ZNF395: variants seen among roughly 807,000 people sequenced by gnomAD.
ZNF395 encodes HD gene regulatory region-binding protein 2.
In ZNF395, 20 loss-of-function variants were observed where a neutral mutation model predicts 57.7. The ratio of observed to expected loss-of-function variants is 0.35; its 90% CI spans 0.24 to 0.50. ZNF395 has a LOEUF of 0.50. Among genes scored for constraint, ZNF395 ranks in the 20% least tolerant of loss-of-function variants. ZNF395 has a pLI of 0.97. For missense variants in ZNF395, 606 were observed against 671.2 expected, an observed-to-expected ratio of 0.90 and a Z score of 1.07; for synonymous variants, 295 against 275.9, an observed-to-expected ratio of 1.07 and a Z score of -0.69.
Position 28,353,206 on chromosome 8 carries a change from G to C in ZNF395, c.786C>G (p.Phe262Leu). Residue 262 changes from phenylalanine to leucine, a missense_variant, in exon 5 of 10, where the codon TTC becomes TTG. Physicochemically the swap from Phe to Leu is conservative, Grantham distance 22 (BLOSUM62 0). Around this residue, in one of 3 missense-constraint regions of ZNF395, gnomAD observed 309 missense variants for 374.7 expected, o/e 0.82. Coordinates refer to ENST00000344423, the MANE Select transcript of ZNF395 (RefSeq NM_018660.3). Reference protein sequence around the residue: ...DHGFETDPDPFLLDEPAPRKR... With the variant: ...DHGFETDPDPLLLDEPAPRKR... ...TTCGTGGAGCTGGTTCGTCCAGCAG[G>C]AAAGGGTCAGGATCGGTCTCAAAGC... 2 of 1,610,176 alleles carry C rather than the reference G, an allele frequency of 1.2e-6. No individual in the cohort carries two copies. The highest frequency in any genetic ancestry group is 2.2e-5 in the South Asian group (2 of 90,980).
chr8:28,361,226 G>A (rs1341514397), intron 1 of ZNF395, 44 bp from the exon 2 acceptor site: 1 of 1,549,922 alleles, frequency 6.5e-7, no homozygotes, highest in Non-Finnish European at 8.8e-7. Flanking sequence ...CCACACAGCA[G>A]GAGCCAGGAA....
At chr8:28,382,695 G>C (rs372731648) in intron 1 of ZNF395, among the ~76,000 whole-genome samples, 1 of 152,168 alleles carries the variant, frequency 6.6e-6, no homozygotes, top group Admixed American at 6.5e-5. Flanking sequence ...CAAAGAGACT[G>C]TAAGTCTTCC....
intron 1 of ZNF395, among the ~76,000 whole-genome samples, chr8:28,369,478 AAAAT>A (rs1801951984): frequency 6.6e-6 from 1 of 152,244 alleles, no homozygotes; most frequent in Non-Finnish European, 1.5e-5. Context: ...CTTGCTGGTC[AAAAT>A]GAACCAACTC....
rs533001312 is a variant in ZNF395 at position 28,360,472 on chromosome 8, A to G, written c.240+413T>C. On this transcript the variant is annotated intron_variant, in intron 2 of 9. Transcript: ENST00000344423. ...GGAAATCCACACCGAATCCAACTAC[A>G]CAAACATCTCTGAGTCTTAAAAGTG... is the stretch of plus-strand genomic sequence containing the variant. 2.0e-5 allele frequency among the ~76,000 whole-genome samples: 3 copies of G among 152,368 alleles called. No individual in the cohort carries two copies. The South Asian group carries it at 6.2e-4, about 32-fold the overall frequency.
chr8:28,353,386 T>C lies in ZNF395; in HGVS notation c.606A>G (p.Pro202=). 1 of 1,565,570 alleles carries C rather than the reference T, an allele frequency of 6.4e-7. No individual in the cohort carries two copies. The highest frequency in any genetic ancestry group is 8.7e-7 in the Non-Finnish European group (1 of 1,154,426). ...CCGAGATGTCACCACTCTCCTTCCA[T>C]GGGTCGCAGGCCGCACGGGAAGCTG... ...NFSASRAACD[P]WKESGDISDS... is the part of the protein sequence containing the mutation. The change falls in exon 5 of 10, where the codon CCA becomes CCG. Residue 202 remains proline (P), a synonymous_variant. Transcript: ENST00000344423.
chr8:28,349,559 G>C (rs1277510558), intron 8 of ZNF395, among the ~76,000 whole-genome samples: 1 of 152,206 alleles, frequency 6.6e-6, no homozygotes, highest in Non-Finnish European at 1.5e-5. Context: ...CTGATTTACA[G>C]TGTGACACCG....
chr8:28,359,684 C>CA lies in ZNF395; in HGVS notation c.380dup (p.Gln128AlafsTer40). 1 of 1,613,968 alleles carries CA rather than the reference C, an allele frequency of 6.2e-7. No individual in the cohort carries two copies. Among genetic ancestry groups the CA allele is most frequent in the Non-Finnish European group, 8.5e-7 (1 of 1,180,016 alleles). The stretch of plus-strand genomic sequence containing the variant: ...GTGGTGCCTGGGGACAGGGGCCCTG[C>CA]AGCTCTGCCAGCCACACCTCCTCCA... On this transcript the variant is annotated frameshift_variant, in exon 3 of 10. Transcript: ENST00000344423. LOFTEE classifies it high-confidence loss of function. This position sits in a 1 kb window ranked among gnomAD's most constrained non-coding sequence, Gnocchi z 4.7.
Position 28,352,814 on chromosome 8 carries a change from G to A in ZNF395, c.820-141C>T. 1.5e-6 allele frequency: 1 copy of A among 679,736 alleles called. No individual in the cohort carries two copies. Among genetic ancestry groups the A allele is most frequent in the Non-Finnish European group, 2.5e-6 (1 of 401,030 alleles). The allele number at this position is 679,736 out of a possible 1,614,324, so 42.1% of individuals were successfully genotyped here. On this transcript the variant is annotated intron_variant, in intron 5 of 9. Transcript: ENST00000344423. This position sits in a 1 kb window ranked among gnomAD's most constrained non-coding sequence, Gnocchi z 4.0. ...CCAGGAAAGGGGTTCTCTGGGACCA[G>A]AGAAACTTACAACCAGGGGCTAGAA...
chr8:28,352,807 G>A lies in ZNF395; in HGVS notation c.820-134C>T, dbSNP rs1563336683. The stretch of plus-strand genomic sequence containing the variant: ...AAAACCTCCAGGAAAGGGGTTCTCT[G>A]GGACCAGAGAAACTTACAACCAGGG... On this transcript the variant is annotated intron_variant, in intron 5 of 9. Transcript: ENST00000344423. This position sits in a 1 kb window ranked among gnomAD's most constrained non-coding sequence, Gnocchi z 4.0. The A allele has an allele frequency of 3.1e-5, 22 of 701,006 alleles. No homozygotes were observed. The South Asian group carries it at 4.0e-4, about 13-fold the overall frequency. The allele number at this position is 701,006 out of a possible 1,614,324, so 43.4% of individuals were successfully genotyped here.
rs942661695 is a variant in ZNF395, at chr8:28,367,561, G to A, written c.-58-6379C>T. Among the ~76,000 whole-genome samples the A allele has an allele frequency of 3.9e-5, 6 of 152,152 alleles. No individual in the cohort carries two copies. In the East Asian group the frequency reaches 5.8e-4, roughly 15 times the overall value. On this transcript the variant is annotated intron_variant, in intron 1 of 9. Coordinates refer to ENST00000344423, the MANE Select transcript of ZNF395 (RefSeq NM_018660.3). ...CTGTTTGCGCTGCTGGCAGGAAAGC[G>A]TTTCCACAGCTCTACCCAGGAAAAA... is the stretch of plus-strand genomic sequence containing the variant.
rs751365269 is a variant in ZNF395 at position 28,349,271 on chromosome 8, A to G, written c.1327-43T>C. ...GGCTGTGAGCACAGGGACATTCAGG[A>G]AAGGTGAGGGAGCTATCCTAAAAGA... is the stretch of plus-strand genomic sequence containing the variant. On this transcript the variant is annotated intron_variant, in intron 8 of 9. Coordinates refer to ENST00000344423, the MANE Select transcript of ZNF395 (RefSeq NM_018660.3). The G allele has an allele frequency of 4.1e-6, 6 of 1,465,764 alleles. No homozygotes were observed. The African/African-American group carries it at 8.5e-5, about 21-fold the overall frequency. 90.8% of individuals were successfully genotyped at this position (1,465,764 alleles called of 1,614,324 possible).
chr8:28,368,310 T>C (rs1388392147), intron 1 of ZNF395: 1 of 152,226 alleles, frequency 6.6e-6, no homozygotes, highest in Non-Finnish European at 1.5e-5. Context: ...AATGCTTGAA[T>C]GGCACTCAGG....
chr8:28,376,086 T>G lies in ZNF395; in HGVS notation c.-59+10307A>C, dbSNP rs565151238. Reference sequence around the variant, plus strand: ...CCTCCCCGGGTTCAGGTGATCCTCCTTCCTCAGCCTCCCAAGTAGCTGCAA... The same window carrying G: ...CCTCCCCGGGTTCAGGTGATCCTCCGTCCTCAGCCTCCCAAGTAGCTGCAA... On this transcript the variant is annotated intron_variant, in intron 1 of 9. Coordinates refer to ENST00000344423, the MANE Select transcript of ZNF395 (RefSeq NM_018660.3). Among the ~76,000 whole-genome samples the G allele has an allele frequency of 4.6e-5, 7 of 152,262 alleles. No individual in the cohort carries two copies. In the South Asian group the frequency reaches 1.5e-3, roughly 32 times the overall value.
chr8:28,369,163 G>C (rs1191784292), intron 1 of ZNF395, among the ~76,000 whole-genome samples: 1 of 148,372 alleles, frequency 6.7e-6, no homozygotes, highest in African/African-American at 2.5e-5. Flanking sequence ...TTTTCATTTA[G>C]GAAGTTAAAG....
At chr8:28,371,707 T>C (rs1378792797) in intron 1 of ZNF395, among the ~76,000 whole-genome samples, 2 of 152,158 alleles carry the variant, frequency 1.3e-5, no homozygotes, top group African/African-American at 4.8e-5. Context: ...TATTTCACCC[T>C]TTACAAATAT....
At position 28,351,485 on chromosome 8, in the gene ZNF395, C is replaced by A. The variant is rs201270007; in HGVS notation, c.1233+10G>T. 1,391 of 1,582,336 alleles carry A rather than the reference C, an allele frequency of 8.8e-4. 3 individuals are homozygous for A. Among genetic ancestry groups the A allele is most frequent in the Non-Finnish European group, 1.0e-3 (1,210 of 1,159,014 alleles). Reference sequence around the variant, plus strand: ...ATGAGCCTGAGCCTCCAGCGAGCCCCGCCCCATACCTGGTATGCATGATCT... The same window carrying A: ...ATGAGCCTGAGCCTCCAGCGAGCCCAGCCCCATACCTGGTATGCATGATCT... On this transcript the variant is annotated intron_variant, in intron 7 of 9. Transcript: ENST00000344423.
At position 28,356,241 on chromosome 8, in the gene ZNF395, A is replaced by G. The variant is rs962096539; in HGVS notation, c.583+429T>C. 2.6e-5 allele frequency among the ~76,000 whole-genome samples: 4 copies of G among 152,258 alleles called. No homozygotes were observed. The highest frequency in any genetic ancestry group is 9.6e-5 in the African/African-American group (4 of 41,468). On this transcript the variant is annotated intron_variant, in intron 4 of 9. Coordinates refer to ENST00000344423, the MANE Select transcript of ZNF395 (RefSeq NM_018660.3). The surrounding 1 kb of genome is among the most constrained non-coding windows in gnomAD (Gnocchi z 4.0). ...CCGGGTCCTTGTCCCATAGGCCCACACTAATTTATGAGGCTGAATTAGGCA... is the reference window on the plus strand; with the variant it reads ...CCGGGTCCTTGTCCCATAGGCCCACGCTAATTTATGAGGCTGAATTAGGCA...
chr8:28,380,448 C>T (rs1280696170), intron 1 of ZNF395, among the ~76,000 whole-genome samples: 1 of 152,300 alleles, frequency 6.6e-6, no homozygotes, highest in East Asian at 1.9e-4. Flanking sequence ...ATGAGCGCGC[C>T]TTCTCTGTCT....
At chr8:28,349,291 A>G in intron 8 of ZNF395, 63 bp from the exon 9 acceptor site, 1 of 1,359,722 alleles carries the variant, frequency 7.4e-7, no homozygotes. Context: ...GAGCTATCCT[A>G]AAAGACAGGC....
Sources: gnomAD v4.1 joint callset for allele counts (sites outside exome capture counted in the v4.1 genomes callset) on GRCh38, gnomAD v4.1.1 for gene constraint, gnomAD v4.1.1 regional missense constraint, Gnocchi (gnomAD v3.1) non-coding constraint, MANE v1.5 for transcripts, NCBI Gene and HGNC (gene_info 2026-07-23, HGNC 2026-07-21) for gene names.